TIAM2: variants seen among roughly 807,000 people sequenced by gnomAD.
TIAM2 encodes TIAM Rac1 associated GEF 2.
A neutral mutation model predicts 152.9 loss-of-function variants in TIAM2; 80 were observed. The observed-to-expected ratio is 0.52, with a 90% CI of 0.44 to 0.63. The LOEUF (loss-of-function observed/expected upper bound fraction) is 0.63, where lower values mean the gene tolerates loss of function less well. Among genes scored for constraint, TIAM2 ranks in the 30% least tolerant of loss-of-function variants. The pLI is 0.00. For synonymous variants in TIAM2, 804 were observed against 838.0 expected (o/e 0.96, Z 0.70); for missense variants, 1,965 against 2,120.1 (o/e 0.93, Z 1.44).
At chr6:155,251,052 G>T (rs1783625474) in intron 22 of TIAM2, 31 bp downstream of exon 22, 1 of 1,588,838 alleles carries the variant, frequency 6.3e-7, no homozygotes. Flanking sequence ...AATGCAGACT[G>T]AACAGAGGCT....
chr6:155,085,820 ACT>A (rs1778160580), intron 1 of TIAM2, among the ~76,000 whole-genome samples: 1 of 152,122 alleles, frequency 6.6e-6, no homozygotes, highest in Non-Finnish European at 1.5e-5. Flanking sequence ...TTGATTGATG[ACT>A]CTGTCCACAC....
intron 1 of TIAM2, among the ~76,000 whole-genome samples, chr6:155,006,450 C>G (rs62434477): frequency 1.3e-5 from 2 of 151,516 alleles, no homozygotes; most frequent in Non-Finnish European, 2.9e-5. Context: ...GGGTGGATCA[C>G]AAGGTCAGGA....
At chr6:155,242,598 C>A (rs1173668749) in intron 16 of TIAM2, among the ~76,000 whole-genome samples, 1 of 152,180 alleles carries the variant, frequency 6.6e-6, no homozygotes, top group East Asian at 1.9e-4. Flanking sequence ...GTCTTAGGTT[C>A]CCCTCTTGGG....
intron 1 of TIAM2, among the ~76,000 whole-genome samples, chr6:155,044,827 C>T (rs540583591): frequency 2.2e-3 from 294 of 134,732 alleles, no homozygotes; most frequent in Non-Finnish European, 3.3e-3. Flanking sequence ...GACTCTGTCT[C>T]GAAAAAAAAA....
Position 155,256,527 on chromosome 6 carries a change from C to T in TIAM2, c.4512C>T (p.Asn1504=), listed in dbSNP as rs149916582. ...SLKVLKNSSS[N]EWTGETGKGT... ...AAGTCCTGAAGAATTCCTCCAGCAA[C>T]GAGTGGACCGGTGAGACTGGCAAGG... The change falls in exon 27 of 27, where the codon AAC becomes AAT. Residue 1504 remains asparagine (N), a synonymous_variant. Coordinates refer to ENST00000682666, the MANE Select transcript of TIAM2 (RefSeq NM_012454.4). 56 of 1,614,094 alleles carry T rather than the reference C, an allele frequency of 3.5e-5. No homozygotes were observed. The African/African-American group carries it at 4.0e-4, about 12-fold the overall frequency.
At chr6:155,150,351 A>G (rs1245686316) in intron 7 of TIAM2, among the ~76,000 whole-genome samples, 1 of 152,210 alleles carries the variant, frequency 6.6e-6, no homozygotes, top group Non-Finnish European at 1.5e-5. Context: ...ATAGTCATCA[A>G]ATATTATGGG....
In TIAM2 at chr6:155,156,773, C is replaced by G. The variant is rs1004315405; in HGVS notation, c.2029-7642C>G. The stretch of plus-strand genomic sequence containing the variant: ...TGACCTTTATCTGCAACTCCCTGAG[C>G]CCACCCTTCTGCTCCTTTCTTTGGG... On this transcript the variant is annotated intron_variant, in intron 7 of 26. Coordinates refer to ENST00000682666, the MANE Select transcript of TIAM2 (RefSeq NM_012454.4). The surrounding 1 kb of genome is among the most constrained non-coding windows in gnomAD (Gnocchi z 4.4). 6.6e-6 allele frequency among the ~76,000 whole-genome samples: 1 copy of G among 152,236 alleles called. No homozygotes were observed. Among genetic ancestry groups the G allele is most frequent in the African/African-American group, 2.4e-5 (1 of 41,466 alleles).
At chr6:155,078,165 C>T (rs970723873) in intron 1 of TIAM2, among the ~76,000 whole-genome samples, 3 of 152,102 alleles carry the variant, frequency 2.0e-5, no homozygotes, top group Admixed American at 6.6e-5. Context: ...CTACCTCAGC[C>T]TCCCAAGTAG....
intron 2 of TIAM2, among the ~76,000 whole-genome samples, chr6:155,101,573 G>A (rs1163387710): frequency 6.6e-6 from 1 of 152,146 alleles, no homozygotes; most frequent in African/African-American, 2.4e-5. Flanking sequence ...AAGGAGTGGT[G>A]CTTGGTCAGA....
intron 15 of TIAM2, among the ~76,000 whole-genome samples, chr6:155,238,823 G>C (rs915196758): frequency 2.0e-5 from 3 of 152,228 alleles, no homozygotes; most frequent in African/African-American, 7.2e-5. Context: ...TCTTTGTGTA[G>C]GAACTGTTTC....
At chr6:155,040,207 C>G (rs372355029) in intron 1 of TIAM2, among the ~76,000 whole-genome samples, 2 of 152,288 alleles carry the variant, frequency 1.3e-5, no homozygotes, top group East Asian at 3.9e-4. Context: ...ATCTTTCCCC[C>G]TCTCTGATTA....
intron 5 of TIAM2, among the ~76,000 whole-genome samples, chr6:155,139,331 T>C (rs571756599): frequency 4.6e-5 from 7 of 152,318 alleles, no homozygotes; most frequent in African/African-American, 1.7e-4. Flanking sequence ...ATCCAAGTGA[T>C]ACCTTTTCCT....
chr6:155,191,565 G>C (rs996363194), intron 14 of TIAM2, among the ~76,000 whole-genome samples: 1 of 152,154 alleles, frequency 6.6e-6, no homozygotes, highest in South Asian at 2.1e-4. Context: ...GCTGAGGCAG[G>C]CCAATCATTT....
At chr6:155,079,735 T>G (rs1342650687) in intron 1 of TIAM2, among the ~76,000 whole-genome samples, 1 of 152,150 alleles carries the variant, frequency 6.6e-6, no homozygotes, top group Non-Finnish European at 1.5e-5. Flanking sequence ...TCACTTGAGG[T>G]CAGGAGTTCG....
chr6:154,997,629 A>ATT (rs57280691), intron 1 of TIAM2, among the ~76,000 whole-genome samples: 5,876 of 62,140 alleles, frequency 0.095, 841 homozygotes, highest in African/African-American at 0.11. Context: ...GAAAGAATGG[A>ATT]TTTTTTTTTT....
intron 1 of TIAM2, among the ~76,000 whole-genome samples, chr6:155,019,829 C>A (rs1217421712): frequency 6.6e-6 from 1 of 152,082 alleles, no homozygotes. Context: ...CCGAGGCGGG[C>A]GGATCACGAG....
chr6:155,252,590 T>C (rs1213907424), intron 23 of TIAM2, among the ~76,000 whole-genome samples: 1 of 152,244 alleles, frequency 6.6e-6, no homozygotes, highest in East Asian at 1.9e-4. Flanking sequence ...TGTGAAACTT[T>C]GGTTTATTTT....
chr6:155,111,672 C>T (rs1468906242), intron 2 of TIAM2, among the ~76,000 whole-genome samples: 1 of 152,202 alleles, frequency 6.6e-6, no homozygotes, highest in African/African-American at 2.4e-5. Flanking sequence ...TGCAATTCCT[C>T]TCCCTTTGAC....
chr6:155,087,458 A>AT (rs1430712930), intron 1 of TIAM2, among the ~76,000 whole-genome samples: 1 of 152,076 alleles, frequency 6.6e-6, no homozygotes, highest in Admixed American at 6.6e-5. Context: ...ATTTGAAAAT[A>AT]TTTTTTTCGG....
Sources: gnomAD v4.1 joint callset for allele counts (sites outside exome capture counted in the v4.1 genomes callset) on GRCh38, gnomAD v4.1.1 for gene constraint, Gnocchi (gnomAD v3.1) non-coding constraint, MANE v1.5 for transcripts, NCBI Gene and HGNC (gene_info 2026-07-23, HGNC 2026-07-21) for gene names.